SCHIP1: variants seen among roughly 807,000 people sequenced by gnomAD.
The protein encoded by SCHIP1 is schwannomin interacting protein 1.
A neutral mutation model predicts 29.7 loss-of-function variants in SCHIP1; 8 were observed. The ratio of observed to expected loss-of-function variants is 0.27; its 90% CI spans 0.16 to 0.49. The LOEUF is 0.49. Among genes scored for constraint, SCHIP1 ranks in the 20% least tolerant of loss-of-function variants. The pLI, the probability that SCHIP1 is intolerant of heterozygous loss-of-function variation, is 0.99. For missense variants in SCHIP1, 193 were observed against 294.6 expected, an observed-to-expected ratio of 0.66 and a Z score of 2.52; for synonymous variants, 76 against 94.9, an observed-to-expected ratio of 0.80 and a Z score of 1.16.
At chr3:159,637,842 A>G in the SCHIP1 span, among the ~76,000 whole-genome samples, 3 of 152,226 alleles carry the variant, frequency 2.0e-5, no homozygotes, top group Admixed American at 2.0e-4. Flanking sequence ...ATATTTCTAT[A>G]ATATTTAAAA....
chr3:159,799,509 G>A, the SCHIP1 span, among the ~76,000 whole-genome samples: 6,964 of 152,332 alleles, frequency 0.046, 201 homozygotes, highest in Middle Eastern at 0.12. Context: ...ACGGGTGACC[G>A]GGGATACAGG....
chr3:159,624,373 A>G, the SCHIP1 span, among the ~76,000 whole-genome samples: 1 of 152,210 alleles, frequency 6.6e-6, no homozygotes, highest in African/African-American at 2.4e-5. Flanking sequence ...TTTTTACATT[A>G]AAGTCTATCA....
the SCHIP1 span, among the ~76,000 whole-genome samples, chr3:159,410,310 C>G: frequency 6.6e-6 from 1 of 151,984 alleles, no homozygotes; most frequent in African/African-American, 2.4e-5. Context: ...TTCTGCACAG[C>G]AAAGGAAACA....
chr3:159,320,078 G>A, the SCHIP1 span, among the ~76,000 whole-genome samples: 1 of 152,292 alleles, frequency 6.6e-6, no homozygotes, highest in East Asian at 1.9e-4. Flanking sequence ...TTAATTGTTT[G>A]TCTGGTTACT....
At chr3:159,750,081 T>A in the SCHIP1 span, among the ~76,000 whole-genome samples, 1 of 152,098 alleles carries the variant, frequency 6.6e-6, no homozygotes, top group East Asian at 1.9e-4. Context: ...GTTTATCAGA[T>A]CATTGGGGCA....
intron 2 of SCHIP1, among the ~76,000 whole-genome samples, chr3:159,876,053 A>G (rs949605005): frequency 6.6e-6 from 1 of 152,244 alleles, no homozygotes; most frequent in Non-Finnish European, 1.5e-5. Context: ...AGTGTTTTCT[A>G]AGTAGACAGA....
chr3:159,798,688 G>A, the SCHIP1 span, among the ~76,000 whole-genome samples: 2 of 152,056 alleles, frequency 1.3e-5, no homozygotes, highest in Admixed American at 6.6e-5. Flanking sequence ...AACCCAGGAG[G>A]CGGAGGTTGC....
the SCHIP1 span, among the ~76,000 whole-genome samples, chr3:159,796,227 G>T: frequency 1.3e-5 from 2 of 152,200 alleles, no homozygotes; most frequent in Admixed American, 1.3e-4. Flanking sequence ...TTCTAGTGGG[G>T]AGATACTAGT....
the SCHIP1 span, among the ~76,000 whole-genome samples, chr3:159,334,259 T>G: frequency 1.3e-5 from 2 of 152,174 alleles, no homozygotes; most frequent in African/African-American, 4.8e-5. Context: ...GACCAGTTGA[T>G]TTTGCATGTC....
the SCHIP1 span, among the ~76,000 whole-genome samples, chr3:159,642,183 GC>G: frequency 4.8e-4 from 73 of 152,230 alleles, no homozygotes; most frequent in African/African-American, 1.8e-3. Flanking sequence ...CATATAAATA[GC>G]CCTCAATATA....
chr3:159,386,622 A>G, the SCHIP1 span: 3 of 152,372 alleles, frequency 2.0e-5, no homozygotes, highest in Admixed American at 1.3e-4. Flanking sequence ...TGGAGACATC[A>G]TGCTACCTGA....
At chr3:159,817,432 A>G in the SCHIP1 span, among the ~76,000 whole-genome samples, 7 of 152,172 alleles carry the variant, frequency 4.6e-5, no homozygotes, top group East Asian at 5.8e-4. Context: ...CTGGTTTCCA[A>G]TGAAAGAGAA....
the SCHIP1 span, among the ~76,000 whole-genome samples, chr3:159,581,709 A>T: frequency 6.6e-6 from 1 of 152,192 alleles, no homozygotes; most frequent in Non-Finnish European, 1.5e-5. Context: ...AGGAAAGTAA[A>T]GTCTACCTGA....
At chr3:159,888,765 T>C in intron 4 of SCHIP1, 55 bp from the exon 6 acceptor site, 1 of 1,595,576 alleles carries the variant, frequency 6.3e-7, no homozygotes, top group South Asian at 1.1e-5. Context: ...GTCTTAACGT[T>C]CAGTGTGTTT....
the SCHIP1 span, among the ~76,000 whole-genome samples, chr3:159,830,613 CTTCCCTTACTT>C: frequency 6.6e-6 from 1 of 152,130 alleles, no homozygotes; most frequent in East Asian, 1.9e-4. Context: ...CATTTTTATT[CTTCCCTTACTT>C]TCTATTTTTG....
the SCHIP1 span, among the ~76,000 whole-genome samples, chr3:159,719,010 G>T: frequency 3.3e-5 from 5 of 152,156 alleles, no homozygotes; most frequent in Admixed American, 1.3e-4. Flanking sequence ...AACCAAAACA[G>T]CATGGTACTG....
the SCHIP1 span, among the ~76,000 whole-genome samples, chr3:159,350,031 C>T: frequency 6.6e-6 from 1 of 152,120 alleles, no homozygotes; most frequent in Admixed American, 6.6e-5. Context: ...GCTTAGCTCT[C>T]AAGGTGTAAG....
the SCHIP1 span, among the ~76,000 whole-genome samples, chr3:159,459,527 G>A: frequency 5.4e-5 from 8 of 148,314 alleles, no homozygotes; most frequent in Non-Finnish European, 1.2e-4. Context: ...ATCTGAACAA[G>A]TTATTATAGT....
the SCHIP1 span, among the ~76,000 whole-genome samples, chr3:159,597,647 G>C: frequency 2.0e-5 from 3 of 152,058 alleles, no homozygotes; most frequent in Non-Finnish European, 4.4e-5. Context: ...ATTCCATTGT[G>C]TATATATACC....
Sources: gnomAD v4.1 joint callset for allele counts (sites outside exome capture counted in the v4.1 genomes callset) on GRCh38, gnomAD v4.1.1 for gene constraint, MANE v1.5 for transcripts, NCBI Gene and HGNC (gene_info 2026-07-23, HGNC 2026-07-21) for gene names.